Variants in SH2D4A observed in about 807,000 individuals in gnomAD.
The protein encoded by SH2D4A is SH2 domain-containing protein 4A.
SH2D4A carries 70 observed loss-of-function variants against 64.7 expected under a neutral mutation model. The observed-to-expected ratio is 1.08, with a 90% CI of 0.89 to 1.32. SH2D4A has a LOEUF of 1.32. Ranked by LOEUF, SH2D4A falls within the 40% of genes most tolerant of loss-of-function variation. The probability of loss-of-function intolerance (pLI) is 0.00; values close to 1 mark genes in which losing one functional copy is unlikely to be tolerated. For synonymous variants in SH2D4A, 268 were observed against 200.7 expected, an observed-to-expected ratio of 1.34 and a Z score of -2.83; for missense variants, 706 against 540.1, an observed-to-expected ratio of 1.31 and a Z score of -3.04.
intron 8 of SH2D4A, among the ~76,000 whole-genome samples, chr8:19,380,393 CT>C (rs1266411317): frequency 2.7e-5 from 4 of 147,358 alleles, no homozygotes; most frequent in East Asian, 1.9e-4. Context: ...CGATTTGCCT[CT>C]TTTTTTCTTG....
chr8:19,316,271 T>G (rs973277504), intron 1 of SH2D4A, among the ~76,000 whole-genome samples: 2 of 152,162 alleles, frequency 1.3e-5, no homozygotes, highest in Non-Finnish European at 2.9e-5. Flanking sequence ...ACTAGTTAAT[T>G]TTAATGTTAG....
At chr8:19,357,077 G>T (rs950385039) in intron 4 of SH2D4A, 126 bp from the exon 5 acceptor site, 6 of 716,986 alleles carry the variant, frequency 8.4e-6, no homozygotes, top group East Asian at 8.0e-5. Context: ...GCCAGTGGGA[G>T]CCTTGGGTGG....
chr8:19,385,313 G>T (rs928895931), intron 8 of SH2D4A, among the ~76,000 whole-genome samples: 1 of 151,178 alleles, frequency 6.6e-6, no homozygotes, highest in Non-Finnish European at 1.5e-5. Flanking sequence ...AGGTTCAAAT[G>T]ATTCTCCTGC....
chr8:19,327,776 CAG>C (rs893174043), intron 2 of SH2D4A, among the ~76,000 whole-genome samples: 10 of 152,300 alleles, frequency 6.6e-5, no homozygotes, highest in East Asian at 5.8e-4. Flanking sequence ...GAACCAATAA[CAG>C]GGAATCCTCC....
intron 4 of SH2D4A, among the ~76,000 whole-genome samples, chr8:19,349,412 AGATT>A (rs2052662570): frequency 6.6e-6 from 1 of 152,390 alleles, no homozygotes; most frequent in South Asian, 2.1e-4. Context: ...TAAAATAAAA[AGATT>A]GATAGAAATT....
chr8:19,326,457 C>T lies in SH2D4A; in HGVS notation c.182-6498C>T, dbSNP rs528669196. On this transcript the variant is annotated intron_variant, in intron 2 of 9. Coordinates refer to ENST00000265807, the MANE Select transcript of SH2D4A (RefSeq NM_022071.4). ...AACCTTGGTGTTGGTGGGCACCTTG[C>T]TTCCATCAGCCCTGATGAGACCCCA... is the stretch of plus-strand genomic sequence containing the variant. 3.9e-5 allele frequency among the ~76,000 whole-genome samples: 6 copies of T among 152,304 alleles called. No individual in the cohort carries two copies. In the South Asian group the frequency reaches 1.0e-3, roughly 26 times the overall value.
chr8:19,353,023 A>G (rs1272427584), intron 4 of SH2D4A, among the ~76,000 whole-genome samples: 2 of 152,080 alleles, frequency 1.3e-5, no homozygotes, highest in Admixed American at 1.3e-4. Flanking sequence ...ACAAAAACAC[A>G]ATGACCAATA....
chr8:19,357,430 C>T (rs1005885555), intron 5 of SH2D4A, 147 bp downstream of exon 5: 2 of 659,850 alleles, frequency 3.0e-6, no homozygotes, highest in Non-Finnish European at 5.2e-6. Context: ...CACAGTTCTG[C>T]ATCTTTACCC....
chr8:19,394,134 T>G (rs1357237385), intron 9 of SH2D4A, among the ~76,000 whole-genome samples: 1 of 152,144 alleles, frequency 6.6e-6, no homozygotes, highest in African/African-American at 2.4e-5. Context: ...CAGTTCACAA[T>G]AAGGTTTGTG....
At chr8:19,324,084 T>C (rs1020506708) in intron 2 of SH2D4A, among the ~76,000 whole-genome samples, 2 of 152,242 alleles carry the variant, frequency 1.3e-5, no homozygotes, top group Admixed American at 6.5e-5. Flanking sequence ...CAGTGACTTT[T>C]ATGTGAAGGC....
chr8:19,361,597 T>G (rs2153648296), intron 6 of SH2D4A, among the ~76,000 whole-genome samples: 1 of 152,328 alleles, frequency 6.6e-6, no homozygotes, highest in African/African-American at 2.4e-5. Context: ...GAGTGTTTAA[T>G]GATCTTAGAC....
intron 8 of SH2D4A, among the ~76,000 whole-genome samples, chr8:19,381,648 AT>A (rs1169606315): frequency 3.9e-5 from 6 of 152,120 alleles, no homozygotes; most frequent in African/African-American, 1.2e-4. Flanking sequence ...CCTTTTATTT[AT>A]TTTATCTAAC....
intron 4 of SH2D4A, among the ~76,000 whole-genome samples, chr8:19,351,463 C>A (rs1171763660): frequency 6.6e-6 from 1 of 151,908 alleles, no homozygotes; most frequent in African/African-American, 2.4e-5. Context: ...ATTAGCCAGG[C>A]GTGCTGGCAG....
chr8:19,360,913 C>G (rs2052873140), intron 5 of SH2D4A: 1 of 212,122 alleles, frequency 4.7e-6, no homozygotes, highest in African/African-American at 2.4e-5. Flanking sequence ...TTATCTAATC[C>G]TCAATATAAC....
intron 6 of SH2D4A, among the ~76,000 whole-genome samples, chr8:19,362,345 T>C (rs547322320): frequency 6.6e-6 from 1 of 152,364 alleles, no homozygotes; most frequent in South Asian, 2.1e-4. Context: ...TCAATAAAAA[T>C]CATTTTTACA....
At chr8:19,382,026 T>C (rs575704120) in intron 8 of SH2D4A, among the ~76,000 whole-genome samples, 1 of 152,328 alleles carries the variant, frequency 6.6e-6, no homozygotes, top group East Asian at 1.9e-4. Flanking sequence ...GCTGGATTAA[T>C]TTTGATAGTA....
intron 8 of SH2D4A, among the ~76,000 whole-genome samples, chr8:19,376,168 G>T (rs564415794): frequency 6.6e-6 from 1 of 152,090 alleles, no homozygotes; most frequent in African/African-American, 2.4e-5. Context: ...CTGGAGATGC[G>T]GGGAGGAATG....
chr8:19,341,953 C>T (rs548496535), intron 4 of SH2D4A, among the ~76,000 whole-genome samples: 4 of 152,124 alleles, frequency 2.6e-5, no homozygotes, highest in Non-Finnish European at 4.4e-5. Context: ...TAAAATCTCC[C>T]GAGGGCTGTG....
intron 4 of SH2D4A, among the ~76,000 whole-genome samples, chr8:19,338,714 T>A (rs1172125282): frequency 6.6e-6 from 1 of 152,214 alleles, no homozygotes; most frequent in African/African-American, 2.4e-5. Context: ...GACACCTTGA[T>A]GTTGGCCCAA....
Sources: allele counts gnomAD v4.1 joint callset (sites outside exome capture counted in the v4.1 genomes callset), GRCh38; gene constraint gnomAD v4.1.1; transcripts MANE v1.5; gene names NCBI Gene and HGNC (gene_info 2026-07-23, HGNC 2026-07-21).